The following PTCSC3 variants were observed in gnomAD, a reference collection of about 807,000 sequenced individuals.
PTCSC3 encodes papillary thyroid carcinoma susceptibility candidate 3, also known as papillary thyroid carcinoma susceptibility candidate 3 (non-protein coding).
intron 2 of PTCSC3, among the ~76,000 whole-genome samples, chr14:36,157,671 T>C (rs1356282169): frequency 1.3e-5 from 2 of 151,466 alleles, no homozygotes; most frequent in Non-Finnish European, 3.0e-5. Context: ...TTGCTTGTTT[T>C]GATGAAGTCA....
intron 1 of PTCSC3, among the ~76,000 whole-genome samples, chr14:36,162,838 G>T (rs1881996611): frequency 6.6e-6 from 1 of 152,188 alleles, no homozygotes; most frequent in South Asian, 2.1e-4. Context: ...CAGTAATGGA[G>T]TTTGCACTGG....
intron 3 of PTCSC3, among the ~76,000 whole-genome samples, chr14:36,136,917 G>A (rs928596838): frequency 6.6e-6 from 1 of 152,182 alleles, no homozygotes; most frequent in African/African-American, 2.4e-5. Context: ...CACCTATTAT[G>A]TGGCAGGCTT....
At chr14:36,168,527 A>T (rs892419255) in intron 1 of PTCSC3, among the ~76,000 whole-genome samples, 1 of 151,910 alleles carries the variant, frequency 6.6e-6, no homozygotes, top group Non-Finnish European at 1.5e-5. Context: ...TCTTTGTAGC[A>T]TAACTAGAGT....
intron 1 of PTCSC3, among the ~76,000 whole-genome samples, chr14:36,164,868 A>G (rs1187088732): frequency 1.3e-5 from 2 of 152,224 alleles, no homozygotes; most frequent in Admixed American, 6.5e-5. Flanking sequence ...TCTTTGTAAC[A>G]ATGTAATATA....
intron 3 of PTCSC3, among the ~76,000 whole-genome samples, chr14:36,147,712 C>T (rs866031536): frequency 3.2e-4 from 48 of 152,194 alleles, no homozygotes; most frequent in African/African-American, 1.1e-3. Context: ...TGAGGAACTG[C>T]GTTCCTTTGG....
At chr14:36,151,373 C>T (rs563101673) in intron 3 of PTCSC3, among the ~76,000 whole-genome samples, 11 of 150,366 alleles carry the variant, frequency 7.3e-5, no homozygotes, top group African/African-American at 9.8e-5. Context: ...TTTGGGTATT[C>T]GTTCCCTTGG....
At chr14:36,162,339 A>C (rs979878078) in intron 2 of PTCSC3, among the ~76,000 whole-genome samples, 1 of 151,000 alleles carries the variant, frequency 6.6e-6, no homozygotes, top group Non-Finnish European at 1.5e-5. Flanking sequence ...TTGTGCTTGA[A>C]ACCTAGGTCC....
At chr14:36,165,911 C>T (rs1882076813) in intron 1 of PTCSC3, among the ~76,000 whole-genome samples, 1 of 152,048 alleles carries the variant, frequency 6.6e-6, no homozygotes, top group South Asian at 2.1e-4. Flanking sequence ...TTTTGTGATT[C>T]ATGGTATATA....
At chr14:36,151,683 G>C (rs1021075717) in intron 3 of PTCSC3, among the ~76,000 whole-genome samples, 1 of 152,062 alleles carries the variant, frequency 6.6e-6, no homozygotes, top group Non-Finnish European at 1.5e-5. Flanking sequence ...TCTCCCCTAT[G>C]CTTATGTGAG....
rs74613855 is a variant in PTCSC3, at chr14:36,150,571, A to G, written n.322+3233T>C. ...TTATTGATACAGTTGAATACCTGCC[A>G]CATTTTAAATTGTTTTCTATTTGTT... is the stretch of plus-strand genomic sequence containing the variant. On this transcript the variant is annotated intron_variant and non_coding_transcript_variant, in intron 3 of 3. Coordinates refer to ENST00000556013, the Ensembl canonical transcript of PTCSC3. Among the ~76,000 whole-genome samples, 749 of 152,324 alleles carry G rather than the reference A, an allele frequency of 4.9e-3. 3 individuals are homozygous for G. Among genetic ancestry groups the G allele is most frequent in the African/African-American group, 0.017 (709 of 41,572 alleles).
intron 3 of PTCSC3, among the ~76,000 whole-genome samples, chr14:36,152,237 G>A (rs994070198): frequency 6.6e-6 from 1 of 151,052 alleles, no homozygotes; most frequent in Non-Finnish European, 1.5e-5. Flanking sequence ...AAATGCTAAA[G>A]AAAAAAATGA....
At chr14:36,161,974 A>G (rs1299335648) in intron 2 of PTCSC3, among the ~76,000 whole-genome samples, 2 of 152,036 alleles carry the variant, frequency 1.3e-5, no homozygotes, top group Non-Finnish European at 2.9e-5. Flanking sequence ...GGGCGTCTCC[A>G]AGTTCGAACT....
intron 3 of PTCSC3, among the ~76,000 whole-genome samples, chr14:36,148,025 G>T (rs1881627122): frequency 6.6e-6 from 1 of 152,176 alleles, no homozygotes; most frequent in Admixed American, 6.5e-5. Flanking sequence ...CCCATTCTCA[G>T]ATCTCCAGCT....
intron 3 of PTCSC3, among the ~76,000 whole-genome samples, chr14:36,139,183 A>G (rs1326936526): frequency 1.3e-5 from 2 of 152,042 alleles, no homozygotes; most frequent in Non-Finnish European, 2.9e-5. Context: ...ATGGATGAAC[A>G]TAGAATCTTT....
intron 3 of PTCSC3, among the ~76,000 whole-genome samples, chr14:36,151,000 T>A (rs1052368493): frequency 6.6e-6 from 1 of 152,178 alleles, no homozygotes; most frequent in African/African-American, 2.4e-5. Flanking sequence ...TAAATGCAAG[T>A]TTCTCACCTA....
At chr14:36,147,645 G>A (rs1474911082) in intron 3 of PTCSC3, among the ~76,000 whole-genome samples, 1 of 151,870 alleles carries the variant, frequency 6.6e-6, no homozygotes, top group Non-Finnish European at 1.5e-5. Flanking sequence ...ATCGTCTGAA[G>A]CCTTCTTCTC....
At chr14:36,152,176 A>T (rs1881738212) in intron 3 of PTCSC3, among the ~76,000 whole-genome samples, 1 of 152,224 alleles carries the variant, frequency 6.6e-6, no homozygotes, top group Non-Finnish European at 1.5e-5. Context: ...ACAATATTAC[A>T]TACAAATATA....
chr14:36,172,021 C>T (rs1463804219), intron 1 of PTCSC3, among the ~76,000 whole-genome samples: 2 of 152,114 alleles, frequency 1.3e-5, no homozygotes, highest in Non-Finnish European at 2.9e-5. Flanking sequence ...TCTAATCAAA[C>T]CTCTAATCAG....
chr14:36,174,506 TTAAA>T (rs1882247576), intron 1 of PTCSC3, among the ~76,000 whole-genome samples: 1 of 152,340 alleles, frequency 6.6e-6, no homozygotes, highest in Admixed American at 6.5e-5. Context: ...TGTCTAGTGA[TTAAA>T]TAGTGAACAC....
Sources: allele counts gnomAD v4.1 joint callset (sites outside exome capture counted in the v4.1 genomes callset), GRCh38; gene constraint gnomAD v4.1.1; transcripts MANE v1.5; gene names NCBI Gene and HGNC (gene_info 2026-07-23, HGNC 2026-07-21).